The following ARIH1 variants were observed in gnomAD, a reference collection of about 807,000 sequenced individuals.
ARIH1 encodes E3 ubiquitin-protein ligase ARIH1.
In ARIH1, 8 loss-of-function variants were observed where a neutral mutation model predicts 85.0. That is an observed-to-expected ratio of 0.09 (90% confidence interval 0.06 to 0.17). The LOEUF is 0.17. Among genes scored for constraint, ARIH1 ranks in the 10% least tolerant of loss-of-function variants. The probability of loss-of-function intolerance (pLI) is 1.00; values close to 1 mark genes in which losing one functional copy is unlikely to be tolerated. For missense variants in ARIH1, 311 were observed against 718.1 expected, an observed-to-expected ratio of 0.43 and a Z score of 6.48; for synonymous variants, 238 against 253.6, an observed-to-expected ratio of 0.94 and a Z score of 0.59.
At chr15:72,480,710 G>A (rs955429254) in intron 1 of ARIH1, among the ~76,000 whole-genome samples, 7 of 151,994 alleles carry the variant, frequency 4.6e-5, no homozygotes, top group Admixed American at 3.9e-4. Flanking sequence ...GATTACAGGC[G>A]TATGCCACCA....
rs1292832785 is a variant in ARIH1 at position 72,596,631 on chromosome 15, C to T, written c.*13339C>T. On this transcript the variant is annotated 3_prime_UTR_variant, in exon 14 of 14. Coordinates refer to ENST00000379887, the MANE Select transcript of ARIH1 (RefSeq NM_005744.5). ...CTACAGATCTCAGATGATTTTTCCC[C>T]TGCCCTGTTTTCTTTTTGTTTTCAG... The T allele has an allele frequency of 6.6e-6, 1 of 152,128 alleles. No individual in the cohort carries two copies. Among genetic ancestry groups the T allele is most frequent in the Non-Finnish European group, 1.5e-5 (1 of 68,028 alleles). 9.4% of individuals were successfully genotyped at this position (152,128 alleles called of 1,614,324 possible). A position where few individuals can be genotyped will look rare whatever the true frequency, so the allele number is the denominator to read the frequency against.
intron 2 of ARIH1, among the ~76,000 whole-genome samples, chr15:72,535,256 G>T (rs1349478385): frequency 6.6e-6 from 1 of 152,098 alleles, no homozygotes; most frequent in Non-Finnish European, 1.5e-5. Context: ...CGGCCTTATT[G>T]TCTGTATTCT....
chr15:72,510,734 C>CT, intron 1 of ARIH1, among the ~76,000 whole-genome samples: 1 of 14,884 alleles, frequency 6.7e-5, no homozygotes, highest in Admixed American at 1.1e-3. Context: ...AAGACTCTGA[C>CT]TCAAAAAAAA....
At chr15:72,512,221 T>G (rs2140407565) in intron 1 of ARIH1, among the ~76,000 whole-genome samples, 1 of 152,232 alleles carries the variant, frequency 6.6e-6, no homozygotes, top group East Asian at 1.9e-4. Flanking sequence ...AATTTTTTTT[T>G]TTCTTCCTTG....
chr15:72,546,727 C>CTG (rs146147069), intron 3 of ARIH1, among the ~76,000 whole-genome samples: 12 of 150,844 alleles, frequency 8.0e-5, no homozygotes, highest in Admixed American at 2.7e-4. Flanking sequence ...GGGGTTTCAC[C>CTG]TGTGTGTGTG....
At chr15:72,484,050 G>C (rs991981367) in intron 1 of ARIH1, among the ~76,000 whole-genome samples, 1 of 151,640 alleles carries the variant, frequency 6.6e-6, no homozygotes, top group Non-Finnish European at 1.5e-5. Context: ...GTGGGCGCCT[G>C]TAATCCCAGC....
chr15:72,577,278 T>C (rs2064275990), intron 11 of ARIH1, among the ~76,000 whole-genome samples: 1 of 152,080 alleles, frequency 6.6e-6, no homozygotes, highest in African/African-American at 2.4e-5. Flanking sequence ...AGCCACTCAC[T>C]GTGCCTGGCA....
intron 3 of ARIH1, 119 bp downstream of exon 3, chr15:72,545,083 C>A (rs2064123087): frequency 3.5e-6 from 3 of 846,826 alleles, no homozygotes; most frequent in East Asian, 5.7e-5. Context: ...TAAGCCATAA[C>A]CTATCAATGT....
intron 3 of ARIH1, among the ~76,000 whole-genome samples, chr15:72,546,407 A>T (rs2064129038): frequency 6.6e-6 from 1 of 152,196 alleles, no homozygotes. Context: ...CTGAATTTTC[A>T]AATTCTCAAG....
At position 72,600,356 on chromosome 15, in the gene ARIH1, T is replaced by G. The variant is rs2064378230; in HGVS notation, c.*17064T>G. 6.6e-6 allele frequency: 1 copy of G among 152,204 alleles called. No homozygotes were observed. 9.4% of individuals were successfully genotyped at this position (152,204 alleles called of 1,614,324 possible). On this transcript the variant is annotated 3_prime_UTR_variant, in exon 14 of 14. Coordinates refer to ENST00000379887, the MANE Select transcript of ARIH1 (RefSeq NM_005744.5). Reference sequence around the variant, plus strand: ...TGTGACACAAGAAACATGTTCTATGTGATTTCTGGGATTTTCCTGTGAACA... The same window carrying G: ...TGTGACACAAGAAACATGTTCTATGGGATTTCTGGGATTTTCCTGTGAACA...
intron 1 of ARIH1, among the ~76,000 whole-genome samples, chr15:72,483,951 C>T (rs1313481075): frequency 2.6e-5 from 4 of 151,934 alleles, no homozygotes; most frequent in Non-Finnish European, 5.9e-5. Flanking sequence ...GCAGGCGGAT[C>T]ACCTGAAGTC....
chr15:72,585,613 A>G lies in ARIH1; in HGVS notation c.*2321A>G, dbSNP rs191556936. The G allele has an allele frequency of 8.5e-5, 13 of 152,254 alleles. No individual in the cohort carries two copies. Among genetic ancestry groups the G allele is most frequent in the Non-Finnish European group, 1.6e-4 (11 of 68,026 alleles). 9.4% of individuals were successfully genotyped at this position (152,254 alleles called of 1,614,324 possible). On this transcript the variant is annotated 3_prime_UTR_variant, in exon 14 of 14. Transcript: ENST00000379887. ...GTGTTCCTGTTGCAACAAATACCCAAAAATTGTGTGTGCACTTCCTAATAC... is the reference window on the plus strand; with the variant it reads ...GTGTTCCTGTTGCAACAAATACCCAGAAATTGTGTGTGCACTTCCTAATAC...
intron 11 of ARIH1, among the ~76,000 whole-genome samples, chr15:72,575,450 G>A (rs1363803447): frequency 1.3e-5 from 2 of 149,998 alleles, no homozygotes; most frequent in African/African-American, 2.5e-5. Context: ...GGTAGTGCAC[G>A]CTGGCTGAGG....
chr15:72,586,564 GTTAC>G lies in ARIH1; in HGVS notation c.*3276_*3279del, dbSNP rs2064317814. 1 of 152,096 alleles carries G rather than the reference GTTAC, an allele frequency of 6.6e-6. No homozygotes were observed. Among genetic ancestry groups the G allele is most frequent in the South Asian group, 2.1e-4 (1 of 4,826 alleles). The allele number at this position is 152,096 out of a possible 1,614,324, so 9.4% of individuals were successfully genotyped here. A position where few individuals can be genotyped will look rare whatever the true frequency, so the allele number is the denominator to read the frequency against. On this transcript the variant is annotated 3_prime_UTR_variant, in exon 14 of 14. Transcript: ENST00000379887. ...AAACTTTTATTTTGTTATTCCATTAGTTACTTATGTTTATTTTTATAGTTAAAAA... is the reference window on the plus strand; with the variant it reads ...AAACTTTTATTTTGTTATTCCATTAGTTATGTTTATTTTTATAGTTAAAAA...
At chr15:72,551,061 T>C (rs1384601096) in intron 3 of ARIH1, among the ~76,000 whole-genome samples, 1 of 152,220 alleles carries the variant, frequency 6.6e-6, no homozygotes, top group Non-Finnish European at 1.5e-5. Context: ...TAACGAGATA[T>C]TTGTATCTAA....
At chr15:72,521,209 C>A (rs1297450837) in intron 2 of ARIH1, among the ~76,000 whole-genome samples, 1 of 138,950 alleles carries the variant, frequency 7.2e-6, no homozygotes, top group Non-Finnish European at 1.6e-5. Context: ...GCCCCCCCCC[C>A]CCCCTTTTCT....
intron 5 of ARIH1, among the ~76,000 whole-genome samples, chr15:72,556,567 C>CT (rs1311679059): frequency 2.0e-5 from 3 of 151,158 alleles, no homozygotes; most frequent in East Asian, 3.9e-4. Flanking sequence ...AAGGTTCTTT[C>CT]TTTTTTTTCT....
chr15:72,492,069 A>G (rs1299525165), intron 1 of ARIH1, among the ~76,000 whole-genome samples: 5 of 152,152 alleles, frequency 3.3e-5, no homozygotes, highest in Non-Finnish European at 7.3e-5. Context: ...AGTCTACTAC[A>G]TACCCCATTT....
At chr15:72,574,171 G>A in intron 11 of ARIH1, among the ~76,000 whole-genome samples, 1 of 152,156 alleles carries the variant, frequency 6.6e-6, no homozygotes, top group Non-Finnish European at 1.5e-5. Context: ...GAGATCTATA[G>A]GGAGGGTGGG....
Sources: gnomAD v4.1 joint callset for allele counts (sites outside exome capture counted in the v4.1 genomes callset) on GRCh38, gnomAD v4.1.1 for gene constraint, MANE v1.5 for transcripts, NCBI Gene and HGNC (gene_info 2026-07-23, HGNC 2026-07-21) for gene names.